R3HCC1L: variants seen among roughly 807,000 people sequenced by gnomAD.
The protein encoded by R3HCC1L is R3H domain and coiled-coil containing 1 like.
A neutral mutation model predicts 59.9 loss-of-function variants in R3HCC1L; 51 were observed. The observed-to-expected ratio is 0.85, with a 90% CI of 0.68 to 1.07. The LOEUF (loss-of-function observed/expected upper bound fraction) is 1.07. Ranked by LOEUF, R3HCC1L falls within the 50% of genes least tolerant of loss-of-function variation. The pLI, the probability that R3HCC1L is intolerant of heterozygous loss-of-function variation, is 0.00. For missense variants in R3HCC1L, 965 were observed against 933.0 expected (o/e 1.03, Z -0.45); for synonymous variants, 322 against 315.2 (o/e 1.02, Z -0.23).
At chr10:98,144,388 G>A (rs1184428885) in intron 1 of R3HCC1L, among the ~76,000 whole-genome samples, 1 of 151,996 alleles carries the variant, frequency 6.6e-6, no homozygotes, top group Admixed American at 6.6e-5. Flanking sequence ...GCTAATTTTT[G>A]TATTTGTAGT....
At chr10:98,147,448 A>G (rs562456114) in intron 1 of R3HCC1L, among the ~76,000 whole-genome samples, 2 of 152,166 alleles carry the variant, frequency 1.3e-5, no homozygotes, top group Admixed American at 6.5e-5. Flanking sequence ...CCTGGGTTGC[A>G]TGTGCTTTTG....
intron 4 of R3HCC1L, among the ~76,000 whole-genome samples, chr10:98,170,485 T>C (rs1479668612): frequency 6.6e-6 from 1 of 152,136 alleles, no homozygotes; most frequent in Non-Finnish European, 1.5e-5. Context: ...TCCCAGCTAA[T>C]TTTTTATCTT....
chr10:98,230,743 G>A lies in R3HCC1L; in HGVS notation c.1786-769G>A, dbSNP rs182932983. On this transcript the variant is annotated intron_variant, in intron 5 of 9. Coordinates refer to ENST00000298999, the MANE Select transcript of R3HCC1L (RefSeq NM_001351015.2). ...CTATAAATTTCCCTCTACGCAAACAGTGTCTAGGTTTTATAACAGGTGAAT... is the reference window on the plus strand; with the variant it reads ...CTATAAATTTCCCTCTACGCAAACAATGTCTAGGTTTTATAACAGGTGAAT... Among the ~76,000 whole-genome samples the A allele has an allele frequency of 2.7e-3, 404 of 152,194 alleles. 5 individuals are homozygous for A. Among genetic ancestry groups the A allele is most frequent in the Admixed American group, 0.025 (384 of 15,274 alleles).
intron 4 of R3HCC1L, among the ~76,000 whole-genome samples, chr10:98,172,088 A>G (rs1257337749): frequency 1.3e-5 from 2 of 152,168 alleles, no homozygotes; most frequent in East Asian, 1.9e-4. Flanking sequence ...GAAAAGGTCT[A>G]TTTGGTATGT....
intron 5 of R3HCC1L, among the ~76,000 whole-genome samples, chr10:98,216,585 T>G (rs1854233576): frequency 6.6e-6 from 1 of 152,084 alleles, no homozygotes; most frequent in South Asian, 2.1e-4. Context: ...TTTTATGTGG[T>G]GGGGGTTGAG....
intron 9 of R3HCC1L, among the ~76,000 whole-genome samples, chr10:98,239,925 G>A (rs1377044760): frequency 2.6e-5 from 4 of 152,046 alleles, no homozygotes; most frequent in Admixed American, 6.5e-5. Flanking sequence ...CAAACTCTTG[G>A]ACTCAAGTGA....
At chr10:98,157,601 C>G (rs1847011621) in intron 2 of R3HCC1L, among the ~76,000 whole-genome samples, 1 of 152,200 alleles carries the variant, frequency 6.6e-6, no homozygotes. Flanking sequence ...GCAGCTTTCT[C>G]TACTGCTGGT....
At chr10:98,151,162 G>C (rs1444889101) in intron 1 of R3HCC1L, among the ~76,000 whole-genome samples, 1 of 152,076 alleles carries the variant, frequency 6.6e-6, no homozygotes, top group African/African-American at 2.4e-5. Flanking sequence ...TTTGTTTTTG[G>C]TTTTCTATGG....
chr10:98,223,895 G>T (rs1157155960), intron 5 of R3HCC1L, among the ~76,000 whole-genome samples: 1 of 152,056 alleles, frequency 6.6e-6, no homozygotes, highest in East Asian at 1.9e-4. Flanking sequence ...CTGGGTGAGC[G>T]TATGGGTCCT....
chr10:98,228,321 C>T (rs1855923872), intron 5 of R3HCC1L, among the ~76,000 whole-genome samples: 1 of 152,192 alleles, frequency 6.6e-6, no homozygotes, highest in Non-Finnish European at 1.5e-5. Context: ...ATTTGCATTT[C>T]TCTGATGACC....
At chr10:98,174,771 G>A (rs1848837237) in intron 4 of R3HCC1L, 3 of 980,076 alleles carry the variant, frequency 3.1e-6, no homozygotes, top group Non-Finnish European at 3.6e-6. Flanking sequence ...TGCAAGGTAA[G>A]CCTAGTTTAT....
chr10:98,161,911 T>G (rs1185668135), intron 2 of R3HCC1L, among the ~76,000 whole-genome samples: 2 of 152,154 alleles, frequency 1.3e-5, no homozygotes, highest in African/African-American at 4.8e-5. Context: ...ATGAAAAAGC[T>G]TGCAGGTGTT....
At chr10:98,158,916 C>A (rs1396557843) in intron 2 of R3HCC1L, among the ~76,000 whole-genome samples, 4 of 151,842 alleles carry the variant, frequency 2.6e-5, no homozygotes, top group African/African-American at 9.7e-5. Context: ...AAGCAATCCT[C>A]CTGCCTGAGC....
At chr10:98,204,834 GT>G (rs1366137529) in intron 4 of R3HCC1L, among the ~76,000 whole-genome samples, 4 of 152,246 alleles carry the variant, frequency 2.6e-5, no homozygotes, top group African/African-American at 7.2e-5. Context: ...TGTATGTGTA[GT>G]AAAAGACAAT....
chr10:98,145,604 G>A (rs1419772275), intron 1 of R3HCC1L, among the ~76,000 whole-genome samples: 1 of 152,186 alleles, frequency 6.6e-6, no homozygotes, highest in African/African-American at 2.4e-5. Flanking sequence ...GCAAATAAAT[G>A]TTCTTTGGAA....
chr10:98,175,890 T>A (rs1165098797), intron 4 of R3HCC1L, among the ~76,000 whole-genome samples: 1 of 152,202 alleles, frequency 6.6e-6, no homozygotes, highest in Non-Finnish European at 1.5e-5. Context: ...GTTCTATATT[T>A]ATTTATAGAA....
chr10:98,174,899 CT>C, intron 4 of R3HCC1L: 2 of 531,856 alleles, frequency 3.8e-6, no homozygotes, highest in Non-Finnish European at 4.8e-6. Flanking sequence ...GCCAGATTAC[CT>C]TGGCATTCTC....
intron 4 of R3HCC1L, among the ~76,000 whole-genome samples, chr10:98,163,740 A>T (rs1847665656): frequency 1.3e-5 from 2 of 152,186 alleles, no homozygotes; most frequent in Admixed American, 1.3e-4. Flanking sequence ...GCTTCCCTGT[A>T]ATTCATATAG....
At chr10:98,164,469 C>T (rs1296083648) in intron 4 of R3HCC1L, among the ~76,000 whole-genome samples, 1 of 152,126 alleles carries the variant, frequency 6.6e-6, no homozygotes, top group East Asian at 1.9e-4. Flanking sequence ...CATAGGATTT[C>T]ATTGTGGATG....
Sources: gnomAD v4.1 joint callset for allele counts (sites outside exome capture counted in the v4.1 genomes callset) on GRCh38, gnomAD v4.1.1 for gene constraint, MANE v1.5 for transcripts, NCBI Gene and HGNC (gene_info 2026-07-23, HGNC 2026-07-21) for gene names.